Variants in ZZEF1 observed in about 807,000 individuals in gnomAD.
ZZEF1 encodes zinc finger ZZ-type and EF-hand domain containing 1.
ZZEF1 carries 157 observed loss-of-function variants against 342.8 expected under a neutral mutation model. The observed-to-expected ratio is 0.46, with a 90% CI of 0.40 to 0.52. The LOEUF (loss-of-function observed/expected upper bound fraction) is 0.52, where lower values mean the gene tolerates loss of function less well. ZZEF1 is among the 20% of genes least tolerant of loss of function. The pLI, the probability that ZZEF1 is intolerant of heterozygous loss-of-function variation, is 0.00. For missense variants in ZZEF1, 3,480 were observed against 3,725.6 expected, an observed-to-expected ratio of 0.93 and a Z score of 1.72; for synonymous variants, 1,505 against 1,429.1, an observed-to-expected ratio of 1.05 and a Z score of -1.20.
chr17:4,080,822 G>A (rs2057710029), intron 18 of ZZEF1, among the ~76,000 whole-genome samples: 1 of 152,196 alleles, frequency 6.6e-6, no homozygotes, highest in Non-Finnish European at 1.5e-5. Context: ...TCCACAGGAA[G>A]CATTATCGAG....
At position 4,074,604 on chromosome 17, in the gene ZZEF1, C is replaced by T. The variant is rs369845995; in HGVS notation, c.3484-253G>A. Reference sequence around the variant, plus strand: ...ACCTGGGGTGACCATCTGTCCACTACCGACTCAGCCAGTGGTCACATTTCC... The same window carrying T: ...ACCTGGGGTGACCATCTGTCCACTATCGACTCAGCCAGTGGTCACATTTCC... On this transcript the variant is annotated intron_variant, in intron 23 of 54. Transcript: ENST00000381638. 5.9e-5 allele frequency among the ~76,000 whole-genome samples: 9 copies of T among 152,330 alleles called. 1 individual carries two copies. In the South Asian group the frequency reaches 1.9e-3, roughly 32 times the overall value.
At chr17:4,021,629 C>T (rs898983886) in intron 44 of ZZEF1, among the ~76,000 whole-genome samples, 2 of 152,164 alleles carry the variant, frequency 1.3e-5, no homozygotes, top group Non-Finnish European at 2.9e-5. Flanking sequence ...TGCTTTCACC[C>T]AGCAACTCAT....
At position 4,140,876 on chromosome 17, in the gene ZZEF1, A is replaced by G. The variant is rs78771542; in HGVS notation, c.354+1666T>C. 3.2e-3 allele frequency among the ~76,000 whole-genome samples: 449 copies of G among 140,192 alleles called. 1 individual carries two copies. The highest frequency in any genetic ancestry group is 9.5e-3 in the African/African-American group (351 of 36,796). 92.0% of individuals were successfully genotyped at this position (140,192 alleles called of 152,430 possible). A position where few individuals can be genotyped will look rare whatever the true frequency, so the allele number is the denominator to read the frequency against. ...AGGTACTATGTGTATTCCTGGGGGG[A>G]AAAAAAAAGGAGATCTTTCACTAAC... On this transcript the variant is annotated intron_variant, in intron 1 of 54. Transcript: ENST00000381638.
intron 39 of ZZEF1, among the ~76,000 whole-genome samples, 165 bp downstream of exon 39, chr17:4,042,264 T>C (rs1460907036): frequency 6.6e-6 from 1 of 152,172 alleles, no homozygotes; most frequent in African/African-American, 2.4e-5. Context: ...CACACACATA[T>C]ATATTTACAA....
In ZZEF1 at chr17:4,054,158, T is replaced by G; in HGVS notation, c.5333A>C (p.Asn1778Thr). The change falls in exon 34 of 55, where the codon AAT becomes ACT. Residue 1778 changes from asparagine to threonine, a missense_variant. Transcript: ENST00000381638. The part of the protein sequence containing the change: ...MFIARYCDLL[N>T]VDISCDGCDE... ...ACACCCATCACAAGAGATGTCCACA[T>G]TTAACAGGTCACAGTAGCGAGCAAT... The G allele has an allele frequency of 1.9e-6, 3 of 1,614,018 alleles. No individual in the cohort carries two copies. The highest frequency in any genetic ancestry group is 2.5e-6 in the Non-Finnish European group (3 of 1,179,960).
chr17:4,123,065 A>G (rs1342040279), intron 2 of ZZEF1, among the ~76,000 whole-genome samples: 1 of 150,872 alleles, frequency 6.6e-6, no homozygotes, highest in African/African-American at 2.4e-5. Context: ...GACTACGGGC[A>G]CCCGCCACCA....
intron 6 of ZZEF1, 71 bp from the exon 7 acceptor site, chr17:4,105,880 GAA>G: frequency 7.7e-7 from 1 of 1,305,212 alleles, no homozygotes; most frequent in East Asian, 2.4e-5. Context: ...TAAACTGTTA[GAA>G]GCTTGTTTTG....
At chr17:4,105,291 C>G (rs537352258) in intron 7 of ZZEF1, among the ~76,000 whole-genome samples, 6 of 152,280 alleles carry the variant, frequency 3.9e-5, no homozygotes, top group African/African-American at 1.2e-4. Context: ...AGTGAGTGTC[C>G]CTACACAAAG....
intron 42 of ZZEF1, among the ~76,000 whole-genome samples, chr17:4,031,201 A>C (rs1210648571): frequency 1.3e-5 from 2 of 152,104 alleles, no homozygotes; most frequent in Non-Finnish European, 2.9e-5. Flanking sequence ...CTGTAATCCC[A>C]ACTACTTGGA....
chr17:4,052,520 C>T (rs1317925480), intron 34 of ZZEF1, among the ~76,000 whole-genome samples: 1 of 152,114 alleles, frequency 6.6e-6, no homozygotes, highest in African/African-American at 2.4e-5. Context: ...TCCTTTTTCA[C>T]TCCAGAATCA....
chr17:4,078,341 C>T (rs1165661787), intron 18 of ZZEF1, among the ~76,000 whole-genome samples: 2 of 152,200 alleles, frequency 1.3e-5, no homozygotes, highest in Non-Finnish European at 2.9e-5. Flanking sequence ...CTTAAAATGT[C>T]CTTTCTCTGG....
intron 33 of ZZEF1, among the ~76,000 whole-genome samples, chr17:4,055,353 G>T (rs1016624187): frequency 6.6e-6 from 1 of 152,214 alleles, no homozygotes; most frequent in African/African-American, 2.4e-5. Flanking sequence ...GCACATAGTA[G>T]GCACTCGATA....
Position 4,006,832 on chromosome 17 carries a change from T to C in ZZEF1, c.*58A>G, listed in dbSNP as rs2055811461. 7 of 1,525,770 alleles carry C rather than the reference T, an allele frequency of 4.6e-6. No homozygotes were observed. Among genetic ancestry groups the C allele is most frequent in the Non-Finnish European group, 6.2e-6 (7 of 1,122,916 alleles). The allele number at this position is 1,525,770 out of a possible 1,614,324, so 94.5% of individuals were successfully genotyped here. On this transcript the variant is annotated 3_prime_UTR_variant, in exon 55 of 55. Transcript: ENST00000381638. Reference sequence around the variant, plus strand: ...AGGAGTTTTCCTGAATGAGGTTAGATGTCTGCTCTAAAATCCCTGTGGCAG... The same window carrying C: ...AGGAGTTTTCCTGAATGAGGTTAGACGTCTGCTCTAAAATCCCTGTGGCAG...
At chr17:4,066,607 C>G in intron 27 of ZZEF1, 67 bp from the exon 28 acceptor site, 1 of 1,411,144 alleles carries the variant, frequency 7.1e-7, no homozygotes, top group Non-Finnish European at 1.0e-6. Context: ...CCATGGCAAA[C>G]TACTTCAAAA....
chr17:4,138,113 C>T (rs1310472758), intron 1 of ZZEF1, among the ~76,000 whole-genome samples: 1 of 152,226 alleles, frequency 6.6e-6, no homozygotes, highest in African/African-American at 2.4e-5. Flanking sequence ...GATGTGTGGG[C>T]TTCAACCGAT....
chr17:4,134,329 AATATATATATATTTATATATATTT>A (rs1181852645), intron 1 of ZZEF1, among the ~76,000 whole-genome samples: 12 of 144,590 alleles, frequency 8.3e-5, no homozygotes, highest in Non-Finnish European at 1.5e-4. Flanking sequence ...AAAAAGAAAA[AATATATATATATTTATATATATTT>A]ATATATATAT....
intron 40 of ZZEF1, 168 bp downstream of exon 40, chr17:4,033,823 CGTTGGTGTTAAGCACAGTTTTAAT>C: frequency 2.9e-6 from 2 of 680,622 alleles, no homozygotes; most frequent in Non-Finnish European, 4.9e-6. Context: ...GCTGTTTTAA[CGTTGGTGTTAAGCACAGTTTTAAT>C]GTGGGTTGAC....
At chr17:4,044,142 T>C (rs1439400251) in intron 38 of ZZEF1, 82 bp downstream of exon 38, 1 of 1,500,422 alleles carries the variant, frequency 6.7e-7, no homozygotes, top group Non-Finnish European at 9.1e-7. Flanking sequence ...AATGTCAAGC[T>C]GTGTGCCACA....
intron 1 of ZZEF1, among the ~76,000 whole-genome samples, chr17:4,129,908 A>G (rs2058636800): frequency 6.6e-6 from 1 of 152,258 alleles, no homozygotes; most frequent in South Asian, 2.1e-4. Flanking sequence ...AAACTAAGGC[A>G]GGAACAGAAA....
Sources: gnomAD v4.1 joint callset for allele counts (sites outside exome capture counted in the v4.1 genomes callset) on GRCh38, gnomAD v4.1.1 for gene constraint, MANE v1.5 for transcripts, NCBI Gene and HGNC (gene_info 2026-07-23, HGNC 2026-07-21) for gene names.